The following ACER3 variants were observed in gnomAD, a reference collection of about 807,000 sequenced individuals.
The protein encoded by ACER3 is alkCDase 3.
ACER3 carries 16 observed loss-of-function variants against 48.9 expected under a neutral mutation model. That is an observed-to-expected ratio of 0.33 (90% CI 0.22 to 0.50). The LOEUF (loss-of-function observed/expected upper bound fraction) is 0.50. Ranked by LOEUF, ACER3 falls within the 20% of genes least tolerant of loss-of-function variation. ACER3 has a pLI of 0.98. For missense variants in ACER3, 227 were observed against 326.0 expected (o/e 0.70, Z 2.34); for synonymous variants, 109 against 107.8 (o/e 1.01, Z -0.07).
chr11:76,928,772 G>A (rs1442667407), intron 2 of ACER3, among the ~76,000 whole-genome samples: 1 of 152,156 alleles, frequency 6.6e-6, no homozygotes, highest in Admixed American at 6.5e-5. Flanking sequence ...GATGGTTGTA[G>A]ATGTGTGGTA....
chr11:76,975,125 T>C (rs1948408740), intron 3 of ACER3, among the ~76,000 whole-genome samples: 1 of 152,232 alleles, frequency 6.6e-6, no homozygotes, highest in Non-Finnish European at 1.5e-5. Context: ...CCATTTCATT[T>C]CATTCCTGCC....
chr11:76,990,667 T>G (rs960838771), intron 6 of ACER3, 93 bp downstream of exon 6: 21 of 870,266 alleles, frequency 2.4e-5, no homozygotes, highest in Admixed American at 9.3e-5. Flanking sequence ...CAGATAAAAA[T>G]TTTTTTAATG....
intron 1 of ACER3, among the ~76,000 whole-genome samples, chr11:76,881,907 C>T (rs1254352313): frequency 6.6e-6 from 1 of 151,618 alleles, no homozygotes; most frequent in Non-Finnish European, 1.5e-5. Flanking sequence ...TTTTCTGCTT[C>T]ATTCTCTCTC....
chr11:76,895,366 A>T (rs1021549767), intron 1 of ACER3, among the ~76,000 whole-genome samples: 1 of 152,108 alleles, frequency 6.6e-6, no homozygotes, highest in Non-Finnish European at 1.5e-5. Context: ...CAGGTTCTCT[A>T]TGTCACTAGC....
In ACER3 at chr11:77,023,423, C is replaced by A. The variant is rs1949501695; in HGVS notation, c.*3096C>A. 1.4e-5 allele frequency: 5 copies of A among 351,418 alleles called. No homozygotes were observed. The highest frequency in any genetic ancestry group is 2.6e-5 in the Non-Finnish European group (5 of 195,738). 21.8% of individuals were successfully genotyped at this position (351,418 alleles called of 1,614,324 possible). A position where few individuals can be genotyped will look rare whatever the true frequency, so the allele number is the denominator to read the frequency against. On this transcript the variant is annotated 3_prime_UTR_variant, in exon 11 of 11. Transcript: ENST00000532485. ...GCAAAAATTAAGTTCTGTTATAATA[C>A]CAGCCAATTCTGAATTAGCCAATGC... is the stretch of plus-strand genomic sequence containing the variant.
chr11:76,869,430 G>A (rs1472032567), intron 1 of ACER3, among the ~76,000 whole-genome samples: 4 of 152,194 alleles, frequency 2.6e-5, no homozygotes, highest in Non-Finnish European at 4.4e-5. Flanking sequence ...GTTTTATAGC[G>A]TTAGTGCTGC....
At chr11:77,017,779 A>G (rs964642059) in intron 9 of ACER3, among the ~76,000 whole-genome samples, 1 of 152,162 alleles carries the variant, frequency 6.6e-6, no homozygotes, top group African/African-American at 2.4e-5. Flanking sequence ...TTTTACAAGT[A>G]GAAAGTTTGT....
At position 76,975,874 on chromosome 11, in the gene ACER3, C is replaced by CTTT. The variant is rs34786738; in HGVS notation, c.268-394_268-392dup. Among the ~76,000 whole-genome samples the CTTT allele has an allele frequency of 3.7e-3, 307 of 82,334 alleles. 7 individuals are homozygous for CTTT. The highest frequency in any genetic ancestry group is 9.3e-3 in the African/African-American group (209 of 22,426). 54.0% of individuals were successfully genotyped at this position (82,334 alleles called of 152,430 possible). On this transcript the variant is annotated intron_variant, in intron 3 of 10. Coordinates refer to ENST00000532485, the MANE Select transcript of ACER3 (RefSeq NM_018367.7). ...AAGAGCTGAAACCTTTTTTTCTTTT[C>CTTT]TTTTTTTTTTTTTTTTTTTTTTTGA...
intron 7 of ACER3, 151 bp downstream of exon 7, chr11:76,998,972 A>T (rs1948972421): frequency 1.9e-6 from 1 of 539,722 alleles, no homozygotes; most frequent in Non-Finnish European, 3.0e-6. Context: ...TTATATTATA[A>T]GGAATACTGG....
At chr11:76,944,931 T>A (rs1441733650) in intron 2 of ACER3, among the ~76,000 whole-genome samples, 2 of 152,034 alleles carry the variant, frequency 1.3e-5, no homozygotes, top group African/African-American at 4.8e-5. Flanking sequence ...TTTGTCTGAT[T>A]GGATTATTTC....
At chr11:76,959,575 A>G (rs10899333) in intron 3 of ACER3, among the ~76,000 whole-genome samples, 114,422 of 151,554 alleles carry the variant, frequency 0.75, 43,541 homozygotes, top group African/African-American at 0.81. Flanking sequence ...TTTTTGAGTC[A>G]AAGTTTTGCT....
chr11:76,878,560 A>G (rs995453959), intron 1 of ACER3, among the ~76,000 whole-genome samples: 2 of 152,058 alleles, frequency 1.3e-5, no homozygotes, highest in African/African-American at 2.4e-5. Flanking sequence ...TATGAATGTA[A>G]TAGTTTATCT....
intron 1 of ACER3, among the ~76,000 whole-genome samples, chr11:76,866,532 G>C (rs1249450351): frequency 6.6e-6 from 1 of 152,190 alleles, no homozygotes; most frequent in South Asian, 2.1e-4. Flanking sequence ...ACTATATTCA[G>C]CTACTCACAA....
chr11:77,010,326 C>G (rs1400399324), intron 7 of ACER3, among the ~76,000 whole-genome samples: 1 of 146,314 alleles, frequency 6.8e-6, no homozygotes, highest in Non-Finnish European at 1.5e-5. Context: ...CTAGCCTGGG[C>G]AACAAAGCAA....
intron 1 of ACER3, among the ~76,000 whole-genome samples, chr11:76,862,111 C>T (rs1365078682): frequency 6.6e-6 from 1 of 152,222 alleles, no homozygotes; most frequent in Non-Finnish European, 1.5e-5. Flanking sequence ...CTAATGATTA[C>T]TGCCTTCTTT....
intron 4 of ACER3, among the ~76,000 whole-genome samples, chr11:76,983,477 A>G (rs7129388): frequency 0.71 from 108,006 of 151,932 alleles, 38,787 homozygotes; most frequent in Non-Finnish European, 0.77. Context: ...CACCATGCCC[A>G]GCTAATTTTT....
At chr11:76,966,488 C>CA (rs1352130997) in intron 3 of ACER3, among the ~76,000 whole-genome samples, 2 of 150,916 alleles carry the variant, frequency 1.3e-5, no homozygotes, top group Non-Finnish European at 2.9e-5. Context: ...CTCTCCACCC[C>CA]AAATCAACAG....
chr11:76,861,038 G>A lies in ACER3; in HGVS notation c.62G>A (p.Cys21Tyr), dbSNP rs1944924101. ...CCCACGACCTCCACGCTGGACTGGT[G>A]CGAGGAGAACTACTCCGTGACCTGG... is the stretch of plus-strand genomic sequence containing the variant. The part of the protein sequence containing the change: ...WGPTTSTLDW[C>Y]EENYSVTWYI... The change falls in exon 1 of 11, where the codon TGC becomes TAC. Residue 21 changes from cysteine (C) to tyrosine (Y), a missense_variant. Transcript: ENST00000532485. 1 of 1,548,376 alleles carries A rather than the reference G, an allele frequency of 6.5e-7. No individual in the cohort carries two copies. Among genetic ancestry groups the A allele is most frequent in the African/African-American group, 1.4e-5 (1 of 72,928 alleles).
intron 6 of ACER3, chr11:76,994,225 A>G (rs748934500): frequency 2.7e-5 from 12 of 452,462 alleles, no homozygotes; most frequent in South Asian, 1.9e-4. Context: ...TCCACCTCCC[A>G]GGTTCGTTAT....
Sources: allele counts gnomAD v4.1 joint callset (sites outside exome capture counted in the v4.1 genomes callset), GRCh38; gene constraint gnomAD v4.1.1; transcripts MANE v1.5; gene names NCBI Gene and HGNC (gene_info 2026-07-23, HGNC 2026-07-21).